Variants in FAM178B observed in about 807,000 individuals in gnomAD.
FAM178B encodes family with sequence similarity 178 member B.
In FAM178B, 82 loss-of-function variants were observed where a neutral mutation model predicts 91.7. The observed-to-expected ratio is 0.89, with a 90% CI of 0.75 to 1.07. The LOEUF (loss-of-function observed/expected upper bound fraction) is 1.07. Ranked by LOEUF, FAM178B falls within the 50% of genes least tolerant of loss-of-function variation. FAM178B has a pLI of 0.00. For missense variants in FAM178B, 769 were observed against 846.7 expected (o/e 0.91, Z 1.14); for synonymous variants, 368 against 359.4 (o/e 1.02, Z -0.27).
chr2:96,877,805 G>A lies in FAM178B; in HGVS notation c.2007+85C>T, dbSNP rs142888385. On this transcript the variant is annotated intron_variant, in intron 16 of 16. Coordinates refer to ENST00000490605, the MANE Select transcript of FAM178B (RefSeq NM_001122646.3). ...CTGCCAGGAGCTCAGCAGCTGCAGC[G>A]GGGGTGGATGTGCTGGTGGCTCTGG... 5.4e-4 allele frequency: 735 copies of A among 1,360,534 alleles called. 1 individual carries two copies. Among genetic ancestry groups the A allele is most frequent in the East Asian group, 1.1e-3 (43 of 40,630 alleles). The allele number at this position is 1,360,534 out of a possible 1,614,324, so 84.3% of individuals were successfully genotyped here.
intron 6 of FAM178B, chr2:96,951,990 C>G (rs2081935258): frequency 6.3e-6 from 1 of 158,166 alleles, no homozygotes; most frequent in African/African-American, 2.4e-5. Flanking sequence ...CACTGCACTC[C>G]AGCCTGGGCA....
intron 9 of FAM178B, 97 bp downstream of exon 9, chr2:96,929,109 G>C: frequency 2.3e-6 from 2 of 886,008 alleles, no homozygotes; most frequent in Admixed American, 2.2e-5. Flanking sequence ...AGTGAGCTAT[G>C]ATTATACCCC....
At chr2:96,924,605 C>T (rs1479900473) in intron 9 of FAM178B, among the ~76,000 whole-genome samples, 4 of 152,228 alleles carry the variant, frequency 2.6e-5, no homozygotes, top group Non-Finnish European at 5.9e-5. Flanking sequence ...AAGCCTCCCT[C>T]CCAGGCACGC....
chr2:96,884,666 G>A (rs1241217778), intron 14 of FAM178B, among the ~76,000 whole-genome samples: 1 of 152,234 alleles, frequency 6.6e-6, no homozygotes, highest in East Asian at 1.9e-4. Context: ...AGCCCCAGCA[G>A]TGTGGCACTG....
At chr2:96,909,434 C>T (rs534326027) in intron 12 of FAM178B, among the ~76,000 whole-genome samples, 1 of 152,178 alleles carries the variant, frequency 6.6e-6, no homozygotes, top group Admixed American at 6.5e-5. Flanking sequence ...CCTAGGTCCT[C>T]TACGCTTGGA....
chr2:96,979,761 T>G (rs1357302241), intron 1 of FAM178B, among the ~76,000 whole-genome samples: 1 of 152,202 alleles, frequency 6.6e-6, no homozygotes, highest in Non-Finnish European at 1.5e-5. Context: ...TGTGTATAAG[T>G]GTTCCCTTTT....
chr2:96,895,772 AG>A (rs1283157505), intron 13 of FAM178B, among the ~76,000 whole-genome samples: 6 of 152,222 alleles, frequency 3.9e-5, no homozygotes, highest in Non-Finnish European at 7.4e-5. Flanking sequence ...CCTGCAGCCC[AG>A]CCCCCCTCTT....
intron 6 of FAM178B, among the ~76,000 whole-genome samples, chr2:96,959,094 G>A (rs1011543427): frequency 6.6e-6 from 1 of 150,942 alleles, no homozygotes; most frequent in Non-Finnish European, 1.5e-5. Context: ...AGCTACTCAG[G>A]AGGCTGAGGC....
intron 14 of FAM178B, among the ~76,000 whole-genome samples, chr2:96,886,035 C>T (rs1291986537): frequency 3.3e-5 from 5 of 152,122 alleles, no homozygotes; most frequent in African/African-American, 4.8e-5. Flanking sequence ...GAATTGTCTC[C>T]GCGGTGTTGG....
intron 14 of FAM178B, among the ~76,000 whole-genome samples, chr2:96,890,830 G>A (rs2080660810): frequency 6.6e-6 from 1 of 152,090 alleles, no homozygotes. Context: ...CTCTACCACT[G>A]TCAGCCAAAT....
chr2:96,878,027 G>T lies in FAM178B; in HGVS notation c.1870C>A (p.Leu624Met). 6.2e-7 allele frequency: 1 copy of T among 1,610,536 alleles called. No homozygotes were observed. Among genetic ancestry groups the T allele is most frequent in the Non-Finnish European group, 8.5e-7 (1 of 1,180,008 alleles). Residue 624 changes from leucine to methionine, a missense_variant, in exon 16 of 17, where the codon CTG becomes ATG. Coordinates refer to ENST00000490605, the MANE Select transcript of FAM178B (RefSeq NM_001122646.3). Reference protein sequence around the residue: ...TPDQWGELQLLCMQLDRHIST... With the variant: ...TPDQWGELQLMCMQLDRHIST... Reference sequence around the variant, plus strand: ...ATGTGGCGGTCCAACTGCATGCACAGCAGCTGCAGCTCGCCCTGTGGAGGC... The same window carrying T: ...ATGTGGCGGTCCAACTGCATGCACATCAGCTGCAGCTCGCCCTGTGGAGGC...
At chr2:96,911,653 G>A (rs879357365) in intron 12 of FAM178B, among the ~76,000 whole-genome samples, 9 of 152,240 alleles carry the variant, frequency 5.9e-5, no homozygotes, top group African/African-American at 9.6e-5. Context: ...GAGAAAGCCT[G>A]GAAAGAGACA....
At chr2:96,939,196 C>T (rs1431722853) in intron 8 of FAM178B, 1 of 151,274 alleles carries the variant, frequency 6.6e-6, no homozygotes, top group Admixed American at 6.6e-5. Flanking sequence ...GAGTGAGACT[C>T]TGTCTCAAAA....
At chr2:96,946,429 T>A (rs1275866766) in intron 8 of FAM178B, among the ~76,000 whole-genome samples, 1 of 152,204 alleles carries the variant, frequency 6.6e-6, no homozygotes, top group Non-Finnish European at 1.5e-5. Flanking sequence ...ACCGGGCCTC[T>A]CACTTTCCCC....
intron 1 of FAM178B, among the ~76,000 whole-genome samples, chr2:96,980,084 G>C (rs1559109637): frequency 1.3e-5 from 2 of 151,910 alleles, no homozygotes; most frequent in African/African-American, 4.8e-5. Context: ...TTTTTTGTTT[G>C]TTTTTTTGAG....
Position 96,923,405 on chromosome 2 carries a change from C to G in FAM178B, c.1287+85G>C, listed in dbSNP as rs2081379137. The G allele has an allele frequency of 1.2e-5, 13 of 1,077,220 alleles. No individual in the cohort carries two copies. In the Admixed American group the frequency reaches 2.4e-4, roughly 20 times the overall value. The allele number at this position is 1,077,220 out of a possible 1,614,324, so 66.7% of individuals were successfully genotyped here. A position where few individuals can be genotyped will look rare whatever the true frequency, so the allele number is the denominator to read the frequency against. On this transcript the variant is annotated intron_variant, in intron 10 of 16. Transcript: ENST00000490605. ...TGGTGCTGAGCTCGCCGGAGATTCTCCGTGATGCTCCTGGAATTTAGCTGC... is the reference window on the plus strand; with the variant it reads ...TGGTGCTGAGCTCGCCGGAGATTCTGCGTGATGCTCCTGGAATTTAGCTGC...
At chr2:96,943,332 T>C (rs749021424) in intron 8 of FAM178B, among the ~76,000 whole-genome samples, 2 of 152,248 alleles carry the variant, frequency 1.3e-5, no homozygotes, top group South Asian at 2.1e-4. Context: ...TTGGTCTCTA[T>C]GGATTTGCCT....
rs1177970758 is a variant in FAM178B, at chr2:96,905,836, A to ATATG, written c.1563-3130_1563-3129insCATA. ...TATGTGTGTATATATATATATATAT[A>ATATG]TATATATATATATATATATATATAT... On this transcript the variant is annotated intron_variant, in intron 12 of 16. Coordinates refer to ENST00000490605, the MANE Select transcript of FAM178B (RefSeq NM_001122646.3). 6.7e-4 allele frequency among the ~76,000 whole-genome samples: 19 copies of ATATG among 28,490 alleles called. 1 individual carries two copies. The East Asian group carries it at 9.4e-3, about 14-fold the overall frequency. The allele number at this position is 28,490 out of a possible 152,430, so 18.7% of individuals were successfully genotyped here.
At position 96,951,487 on chromosome 2, in the gene FAM178B, G is replaced by T; in HGVS notation, c.888-3C>A. On this transcript the variant is annotated splice_region_variant and splice_polypyrimidine_tract_variant and intron_variant, in intron 6 of 16. Transcript: ENST00000490605. ...AGAGCTGTTGGGCTGGCGGGGAGCT[G>T]GGAGGCAGAGGGCTGAGGTTAGGGG... is the stretch of plus-strand genomic sequence containing the variant. 6.4e-7 allele frequency: 1 copy of T among 1,550,720 alleles called. No individual in the cohort carries two copies. Among genetic ancestry groups the T allele is most frequent in the Non-Finnish European group, 8.7e-7 (1 of 1,146,172 alleles).
Sources: gnomAD v4.1 joint callset for allele counts (sites outside exome capture counted in the v4.1 genomes callset) on GRCh38, gnomAD v4.1.1 for gene constraint, MANE v1.5 for transcripts, NCBI Gene and HGNC (gene_info 2026-07-23, HGNC 2026-07-21) for gene names.